Variants in GALNT8 observed in about 807,000 individuals in gnomAD.
GALNT8 encodes probable polypeptide N-acetylgalactosaminyltransferase 8.
Under a neutral mutation model 62.7 loss-of-function variants are expected in GALNT8, and 66 were observed. The ratio of observed to expected loss-of-function variants is 1.05; its 90% CI spans 0.86 to 1.29. The LOEUF (loss-of-function observed/expected upper bound fraction) is 1.29. Among genes scored for constraint, GALNT8 ranks in the 50% most tolerant of loss-of-function variants. GALNT8 has a pLI of 0.00. For synonymous variants in GALNT8, 288 were observed against 294.3 expected (o/e 0.98, Z 0.22); for missense variants, 771 against 791.8 (o/e 0.97, Z 0.32).
At chr12:4,764,137 C>T (rs1946386960) in intron 9 of GALNT8, 90 bp downstream of exon 9, 1 of 790,792 alleles carries the variant, frequency 1.3e-6, no homozygotes, top group Non-Finnish European at 2.3e-6. Context: ...CTCCGTGATA[C>T]GTGATGGGGA....
Position 4,745,774 on chromosome 12 carries a change from A to T in GALNT8, c.1058+148A>T, listed in dbSNP as rs1284930909. 7.7e-6 allele frequency: 5 copies of T among 650,652 alleles called. No individual in the cohort carries two copies. In the African/African-American group the frequency reaches 9.0e-5, roughly 12 times the overall value. 40.3% of individuals were successfully genotyped at this position (650,652 alleles called of 1,614,324 possible). ...GTGAAGGACAAGGGATAGAGGGAAA[A>T]AACCCCAATAAGTTATCCCAGTTAA... On this transcript the variant is annotated intron_variant, in intron 5 of 10. Transcript: ENST00000252318.
In GALNT8 at chr12:4,763,773, C is replaced by CG. The variant is rs538663542; in HGVS notation, c.1498-177dup. ...TGGGCAGCGCAGCAGCGCCTCCCTTCGGCGCTGGTCTGTTTCCCAGTGCTT... is the reference window on the plus strand; with the variant it reads ...TGGGCAGCGCAGCAGCGCCTCCCTTCGGGCGCTGGTCTGTTTCCCAGTGCTT... On this transcript the variant is annotated intron_variant, in intron 8 of 10. Coordinates refer to ENST00000252318, the MANE Select transcript of GALNT8 (RefSeq NM_017417.2). Among the ~76,000 whole-genome samples, 60 of 152,338 alleles carry CG rather than the reference C, an allele frequency of 3.9e-4. No individual in the cohort carries two copies. The East Asian group carries it at 0.011, about 27-fold the overall frequency.
chr12:4,722,967 A>G (rs1256268732), intron 1 of GALNT8, among the ~76,000 whole-genome samples: 4 of 152,050 alleles, frequency 2.6e-5, no homozygotes, highest in African/African-American at 7.2e-5. Context: ...AAGAGTTTGT[A>G]TGGAGACAAG....
intron 2 of GALNT8, among the ~76,000 whole-genome samples, chr12:4,729,911 A>G (rs1443642118): frequency 6.6e-6 from 1 of 152,202 alleles, no homozygotes; most frequent in African/African-American, 2.4e-5. Flanking sequence ...TTTTGATAGT[A>G]GCCATTCTAA....
At chr12:4,739,503 C>T (rs910328502) in intron 3 of GALNT8, among the ~76,000 whole-genome samples, 174 bp downstream of exon 3, 7 of 152,072 alleles carry the variant, frequency 4.6e-5, no homozygotes, top group African/African-American at 1.4e-4. Flanking sequence ...TTCACAAAGT[C>T]AAGACAGAGG....
At chr12:4,730,861 CTTTTCTTTTTTT>C (rs1946218654) in intron 2 of GALNT8, among the ~76,000 whole-genome samples, 1 of 146,138 alleles carries the variant, frequency 6.8e-6, no homozygotes, top group African/African-American at 2.5e-5. Flanking sequence ...GATGATTTTT[CTTTTCTTTTTTT>C]TTTTTTTTTG....
intron 1 of GALNT8, among the ~76,000 whole-genome samples, chr12:4,721,320 G>C (rs1480650945): frequency 6.6e-6 from 1 of 152,060 alleles, no homozygotes; most frequent in African/African-American, 2.4e-5. Context: ...CAGAAACAAA[G>C]TATGTAGAGA....
chr12:4,751,622 G>C (rs1047767307), intron 6 of GALNT8, among the ~76,000 whole-genome samples: 2 of 152,068 alleles, frequency 1.3e-5, no homozygotes, highest in Admixed American at 1.3e-4. Flanking sequence ...CAGAGAAGAT[G>C]CATGCGATTA....
At position 4,730,402 on chromosome 12, in the gene GALNT8, AG is replaced by A. The variant is rs559602804; in HGVS notation, c.509+3576del. On this transcript the variant is annotated intron_variant, in intron 2 of 10. Coordinates refer to ENST00000252318, the MANE Select transcript of GALNT8 (RefSeq NM_017417.2). The stretch of plus-strand genomic sequence containing the variant: ...GTTGATTTTGTATATGGTGTGAGAT[AG>A]GGTTCAGTATTACTCTTTTTAAACG... Among the ~76,000 whole-genome samples the A allele has an allele frequency of 4.6e-4, 70 of 152,298 alleles. No individual in the cohort carries two copies. The South Asian group carries it at 7.3e-3, about 16-fold the overall frequency.
chr12:4,734,821 C>T (rs1366058910), intron 2 of GALNT8, among the ~76,000 whole-genome samples: 1 of 152,126 alleles, frequency 6.6e-6, no homozygotes, highest in Non-Finnish European at 1.5e-5. Flanking sequence ...GGGCAGTTCT[C>T]CAAGGAGTGT....
intron 2 of GALNT8, among the ~76,000 whole-genome samples, chr12:4,730,564 A>G (rs1368559354): frequency 6.6e-6 from 1 of 151,798 alleles, no homozygotes; most frequent in African/African-American, 2.4e-5. Context: ...CTGTTCCACT[A>G]CTCTATGTCT....
chr12:4,760,827 A>G, intron 6 of GALNT8, 131 bp from the exon 7 acceptor site: 1 of 691,360 alleles, frequency 1.4e-6, no homozygotes, highest in Admixed American at 2.7e-5. Flanking sequence ...AGGAGGCAAT[A>G]TAAAGGCAGG....
intron 10 of GALNT8, among the ~76,000 whole-genome samples, chr12:4,772,022 C>T (rs1946426940): frequency 6.6e-6 from 1 of 152,156 alleles, no homozygotes; most frequent in Non-Finnish European, 1.5e-5. Flanking sequence ...GCTCCAGGCC[C>T]ACAACACAGT....
At chr12:4,744,815 T>C in intron 4 of GALNT8, 115 bp downstream of exon 4, 2 of 661,442 alleles carry the variant, frequency 3.0e-6, no homozygotes, top group Non-Finnish European at 2.5e-6. Flanking sequence ...AGGCCTTAAA[T>C]AAAGGGAATC....
chr12:4,755,788 C>T (rs1946341864), intron 6 of GALNT8, among the ~76,000 whole-genome samples: 1 of 152,190 alleles, frequency 6.6e-6, no homozygotes, highest in African/African-American at 2.4e-5. Flanking sequence ...TATTGGTTAA[C>T]TCTTGCCAAA....
At chr12:4,737,551 C>T (rs11836159) in intron 2 of GALNT8, among the ~76,000 whole-genome samples, 1,869 of 152,206 alleles carry the variant, frequency 0.012, 44 homozygotes, top group African/African-American at 0.043. Context: ...ACAAGGTCTG[C>T]CTGAAAGAGA....
chr12:4,769,942 A>G (rs558392850), intron 10 of GALNT8, among the ~76,000 whole-genome samples: 51 of 152,306 alleles, frequency 3.3e-4, no homozygotes, highest in Non-Finnish European at 5.0e-4. Context: ...TACTTTTGTA[A>G]AAGTGAAAAA....
chr12:4,722,424 T>G (rs1215611810), intron 1 of GALNT8, among the ~76,000 whole-genome samples: 3 of 152,212 alleles, frequency 2.0e-5, no homozygotes, highest in Non-Finnish European at 4.4e-5. Context: ...ACAATAGTGA[T>G]AGTTATCAAC....
intron 10 of GALNT8, among the ~76,000 whole-genome samples, chr12:4,770,045 C>A (rs886908732): frequency 1.3e-5 from 2 of 152,088 alleles, no homozygotes; most frequent in African/African-American, 4.8e-5. Flanking sequence ...ACGCCTATAA[C>A]CCCAGCACTT....
Sources: allele counts gnomAD v4.1 joint callset (sites outside exome capture counted in the v4.1 genomes callset), GRCh38; gene constraint gnomAD v4.1.1; transcripts MANE v1.5; gene names NCBI Gene and HGNC (gene_info 2026-07-23, HGNC 2026-07-21).